The following IRAG2 variants were observed in gnomAD, a reference collection of about 807,000 sequenced individuals.
IRAG2 encodes lymphoid restricted membrane protein.
A neutral mutation model predicts 69.9 loss-of-function variants in IRAG2; 45 were observed. That is an observed-to-expected ratio of 0.64 (90% CI 0.51 to 0.83). The LOEUF is 0.83. IRAG2 is among the 40% of genes least tolerant of loss of function. The probability of loss-of-function intolerance (pLI) is 0.00; values close to 1 mark genes in which losing one functional copy is unlikely to be tolerated. For missense variants in IRAG2, 520 were observed against 587.0 expected (o/e 0.89, Z 1.18); for synonymous variants, 193 against 202.4 (o/e 0.95, Z 0.40).
At chr12:25,050,909 TGAG>T (rs1944854208), upstream of IRAG2, among the ~76,000 whole-genome samples, 1 of 152,130 alleles carries the variant, frequency 6.6e-6, no homozygotes, top group East Asian at 1.9e-4. Flanking sequence ...CCCACTTCTC[TGAG>T]GTATCTAAAA....
intron 19 of IRAG2, 70 bp from the exon 20 acceptor site, chr12:25,104,291 G>C (rs1425041351): frequency 9.3e-7 from 1 of 1,079,438 alleles, no homozygotes; most frequent in East Asian, 2.4e-5. Flanking sequence ...TACTTAAGCA[G>C]TAGGAAATAA....
intron 10 of IRAG2, among the ~76,000 whole-genome samples, chr12:25,087,153 CTTTTTTTT>C (rs780510333): frequency 6.5e-5 from 5 of 76,678 alleles, no homozygotes; most frequent in African/African-American, 2.7e-4. Context: ...ACTCTCCTTC[CTTTTTTTT>C]TTTTTTTTTT....
chr12:25,021,113 CT>C (rs1314236105), intron 7 of IRAG2: 251 of 237,494 alleles, frequency 1.1e-3, no homozygotes, highest in Middle Eastern at 2.2e-3. Context: ...TTCTTTTTTT[CT>C]TTTTTTTTGA....
At chr12:25,062,499 A>G (rs1945696375) in intron 2 of IRAG2, among the ~76,000 whole-genome samples, 3 of 152,180 alleles carry the variant, frequency 2.0e-5, no homozygotes, top group Admixed American at 2.0e-4. Flanking sequence ...TAGCTATCAA[A>G]TTTTCACAGA....
chr12:25,037,967 C>CT, intron 15 of IRAG2: 1 of 398,632 alleles, frequency 2.5e-6, no homozygotes, highest in Non-Finnish European at 4.4e-6. Flanking sequence ...TGTGACTTTT[C>CT]TTGTAGGAAT....
chr12:24,997,669 G>C, the IRAG2 span: 1 of 153,774 alleles, frequency 6.5e-6, no homozygotes, highest in Admixed American at 6.4e-5. Context: ...CTGGCCTTTA[G>C]TCATCGAAGG....
At chr12:25,070,879 G>A (rs1282008778) in intron 6 of IRAG2, among the ~76,000 whole-genome samples, 1 of 152,126 alleles carries the variant, frequency 6.6e-6, no homozygotes, top group Non-Finnish European at 1.5e-5. Context: ...TTTCTCTCAT[G>A]ATTAATAATG....
chr12:25,105,081 T>G (rs903118388), intron 20 of IRAG2, among the ~76,000 whole-genome samples: 1 of 145,700 alleles, frequency 6.9e-6, no homozygotes, highest in Non-Finnish European at 1.5e-5. Context: ...GTTTTTTTTT[T>G]TTTTTTTTTT....
intron 17 of IRAG2, 56 bp from the exon 18 acceptor site, chr12:25,103,781 A>G: frequency 1.6e-6 from 2 of 1,232,434 alleles, no homozygotes; most frequent in Non-Finnish European, 2.4e-6. Context: ...TTGGTGTTGC[A>G]TATAATGATA....
At chr12:25,012,193 T>C (rs143428987) in intron 3 of IRAG2, among the ~76,000 whole-genome samples, 5,560 of 138,444 alleles carry the variant, frequency 0.04, 270 homozygotes, top group African/African-American at 0.11. Flanking sequence ...TTCACTCTGT[T>C]GCCCAGGCTG....
intron 10 of IRAG2, among the ~76,000 whole-genome samples, chr12:25,083,845 G>A (rs1355197516): frequency 1.3e-5 from 2 of 152,192 alleles, no homozygotes. Context: ...AAATGAAGTT[G>A]AATAAAACGG....
chr12:25,025,546 G>A (rs904638203), intron 8 of IRAG2, among the ~76,000 whole-genome samples: 3 of 152,194 alleles, frequency 2.0e-5, no homozygotes, highest in Non-Finnish European at 4.4e-5. Context: ...TGAGTGAGAT[G>A]GGAGCCATTG....
chr12:25,042,689 T>A (rs189412401), intron 16 of IRAG2, among the ~76,000 whole-genome samples: 1 of 151,894 alleles, frequency 6.6e-6, no homozygotes, highest in East Asian at 1.9e-4. Context: ...ATGGTCTCGA[T>A]CTCTTGACCT....
chr12:25,011,188 A>G (rs965942895), intron 2 of IRAG2, among the ~76,000 whole-genome samples: 1 of 152,210 alleles, frequency 6.6e-6, no homozygotes, highest in Non-Finnish European at 1.5e-5. Flanking sequence ...ATTTGACACT[A>G]GGTCCATTAG....
chr12:25,067,565 C>G (rs1946064461), intron 5 of IRAG2, among the ~76,000 whole-genome samples: 1 of 152,198 alleles, frequency 6.6e-6, no homozygotes, highest in Non-Finnish European at 1.5e-5. Flanking sequence ...AGATCCCCTT[C>G]TTGGGTTCAA....
At chr12:25,078,993 A>G (rs1324077290) in intron 6 of IRAG2, among the ~76,000 whole-genome samples, 1 of 152,248 alleles carries the variant, frequency 6.6e-6, no homozygotes. Flanking sequence ...TGTTTTGCCC[A>G]AAATTTTTAT....
At chr12:25,010,887 A>C in intron 2 of IRAG2, among the ~76,000 whole-genome samples, 1 of 152,218 alleles carries the variant, frequency 6.6e-6, no homozygotes, top group East Asian at 1.9e-4. Context: ...TGACTGTCTA[A>C]AAATGCCTCC....
intron 16 of IRAG2, among the ~76,000 whole-genome samples, chr12:25,040,529 GAGAAA>G (rs1222471297): frequency 1.3e-5 from 2 of 151,906 alleles, no homozygotes; most frequent in Non-Finnish European, 2.9e-5. Flanking sequence ...GAGAGAGAGA[GAGAAA>G]AGAAAAGAAA....
intron 10 of IRAG2, chr12:25,030,353 C>T: frequency 2.4e-6 from 3 of 1,227,268 alleles, no homozygotes; most frequent in Non-Finnish European, 3.0e-6. Context: ...TGTTCCTTAC[C>T]ACAAAGTCCC....
Sources: allele counts gnomAD v4.1 joint callset (sites outside exome capture counted in the v4.1 genomes callset), GRCh38; gene constraint gnomAD v4.1.1; transcripts MANE v1.5; gene names NCBI Gene and HGNC (gene_info 2026-07-23, HGNC 2026-07-21).